Variants in CAMK2B observed in about 807,000 individuals in gnomAD.
The protein encoded by CAMK2B is calcium/calmodulin dependent protein kinase II beta.
CAMK2B carries 27 observed loss-of-function variants against 93.7 expected under a neutral mutation model. The ratio of observed to expected loss-of-function variants is 0.29; its 90% CI spans 0.21 to 0.40. CAMK2B has a LOEUF of 0.40. CAMK2B is among the 10% of genes least tolerant of loss of function. CAMK2B has a pLI of 1.00. For missense variants in CAMK2B, 568 were observed against 895.8 expected (o/e 0.63, Z 4.67); for synonymous variants, 374 against 358.8 (o/e 1.04, Z -0.48).
rs1423796196 is a variant in CAMK2B, at chr7:44,239,570, C to A, written c.1021+19G>T. On this transcript the variant is annotated intron_variant, in intron 13 of 23. Coordinates refer to ENST00000395749, the MANE Select transcript of CAMK2B (RefSeq NM_001220.5). ...GGGACGGGCGGGAGCGGGCGGGACGCTGGTCGAGACACATCTACCTTGTTC... is the reference window on the plus strand; with the variant it reads ...GGGACGGGCGGGAGCGGGCGGGACGATGGTCGAGACACATCTACCTTGTTC... The A allele has an allele frequency of 6.5e-7, 1 of 1,544,098 alleles. No homozygotes were observed. The highest frequency in any genetic ancestry group is 1.4e-5 in the African/African-American group (1 of 72,900).
rs770098117 is a variant in CAMK2B, at chr7:44,246,800, C to G, written c.414+320G>C. Among the ~76,000 whole-genome samples, 175 of 152,188 alleles carry G rather than the reference C, an allele frequency of 1.1e-3. 1 individual carries two copies. Among genetic ancestry groups the G allele is most frequent in the Non-Finnish European group, 9.3e-4 (63 of 68,034 alleles). On this transcript the variant is annotated intron_variant, in intron 6 of 23. Coordinates refer to ENST00000395749, the MANE Select transcript of CAMK2B (RefSeq NM_001220.5). ...ATGTACACACGAACCTCCATGTACA[C>G]ACGTATGCACATGCACACACATACT...
intron 1 of CAMK2B, among the ~76,000 whole-genome samples, chr7:44,301,176 G>A (rs1195613389): frequency 1.3e-5 from 2 of 152,138 alleles, no homozygotes; most frequent in African/African-American, 4.8e-5. Flanking sequence ...CATGCAGGCT[G>A]GAGTGCAGTG....
At chr7:44,296,627 C>T (rs1335722849) in intron 1 of CAMK2B, among the ~76,000 whole-genome samples, 1 of 151,970 alleles carries the variant, frequency 6.6e-6, no homozygotes, top group Non-Finnish European at 1.5e-5. Flanking sequence ...AAGTGTATAT[C>T]GGGTCGTATC....
chr7:44,302,940 C>T (rs908149700), intron 1 of CAMK2B, among the ~76,000 whole-genome samples: 1 of 152,044 alleles, frequency 6.6e-6, no homozygotes, highest in African/African-American at 2.4e-5. Flanking sequence ...ATAAAAGATA[C>T]ACTTATTGGA....
At chr7:44,306,907 T>C (rs1584834074) in intron 1 of CAMK2B, among the ~76,000 whole-genome samples, 1 of 42,282 alleles carries the variant, frequency 2.4e-5, no homozygotes, top group African/African-American at 9.2e-5. Flanking sequence ...GAAGACGGTG[T>C]GAGCAGGGGG....
At chr7:44,317,527 C>G (rs1795105700) in intron 1 of CAMK2B, among the ~76,000 whole-genome samples, 1 of 152,212 alleles carries the variant, frequency 6.6e-6, no homozygotes. Flanking sequence ...AAGTGATCCA[C>G]CCACCTTGGC....
chr7:44,260,218 C>G (rs2096868451), intron 3 of CAMK2B, among the ~76,000 whole-genome samples: 3 of 152,160 alleles, frequency 2.0e-5, no homozygotes. Flanking sequence ...CCCTTCCTTG[C>G]ATGCTCCGGC....
In CAMK2B at chr7:44,226,517, TG is replaced by T; in HGVS notation, c.1595del (p.Pro532HisfsTer34). Reference protein sequence around the residue: ...SPTIPGPLPTPSRKQEIIKTT... With the variant: ...SPTIPGPLPTXSRKQEIIKTT... ...ACGGCCACTCAAGGTGCTACTTACA[TG>T]GGGTGGGCAGGGGGCCAGGGATAGT... On this transcript the variant is annotated frameshift_variant and splice_region_variant, in exon 20 of 24. Coordinates refer to ENST00000395749, the MANE Select transcript of CAMK2B (RefSeq NM_001220.5). LOFTEE classifies it high-confidence loss of function. 7.0e-7 allele frequency: 1 copy of T among 1,432,488 alleles called. No individual in the cohort carries two copies. Among genetic ancestry groups the T allele is most frequent in the Non-Finnish European group, 9.1e-7 (1 of 1,092,900 alleles). 88.7% of individuals were successfully genotyped at this position (1,432,488 alleles called of 1,614,324 possible).
intron 1 of CAMK2B, among the ~76,000 whole-genome samples, chr7:44,294,996 C>T (rs1301133197): frequency 6.6e-6 from 1 of 152,174 alleles, no homozygotes; most frequent in African/African-American, 2.4e-5. Context: ...CAATTCTGGA[C>T]TCAGAAAAGC....
intron 13 of CAMK2B, 57 bp from the exon 14 acceptor site, chr7:44,234,733 C>T (rs891793286): frequency 2.4e-5 from 37 of 1,563,938 alleles, no homozygotes; most frequent in Non-Finnish European, 2.8e-5. Flanking sequence ...CTCGCTGCAG[C>T]GCAACCCCAC....
At chr7:44,234,524 C>A (rs1696222898) in intron 14 of CAMK2B, 63 bp from the exon 15 acceptor site, 2 of 1,583,778 alleles carry the variant, frequency 1.3e-6, no homozygotes, top group South Asian at 2.3e-5. Context: ...ATTCCCTGTC[C>A]CGTGTCTCTC....
rs575285462 is a variant in CAMK2B, at chr7:44,283,006, G to A, written c.160+1125C>T. Among the ~76,000 whole-genome samples the A allele has an allele frequency of 5.0e-3, 756 of 152,290 alleles. 6 individuals are homozygous for A. The highest frequency in any genetic ancestry group is 0.017 in the African/African-American group (726 of 41,558). ...GGCTCCCTCTACCAGGGCATCATCC[G>A]GCCAGCCCCTCCTCCATGGAACCCC... On this transcript the variant is annotated intron_variant, in intron 2 of 23. Transcript: ENST00000395749.
At chr7:44,317,496 C>T (rs957101260) in intron 1 of CAMK2B, among the ~76,000 whole-genome samples, 30 of 152,280 alleles carry the variant, frequency 2.0e-4, no homozygotes, top group South Asian at 1.2e-3. Flanking sequence ...ATGTTGCCCA[C>T]GGTCTCTAAC....
In CAMK2B at chr7:44,271,805, G is replaced by A. The variant is rs928578411; in HGVS notation, c.161-8741C>T. On this transcript the variant is annotated intron_variant, in intron 2 of 23. Transcript: ENST00000395749. The surrounding 1 kb of genome is among the most constrained non-coding windows in gnomAD (Gnocchi z 4.2). ...CAGTCTCAGGGTGCAGGCCGGTTTA[G>A]GGGCTGAAAGGAGGCCATGGGCAGG... 2.0e-5 allele frequency among the ~76,000 whole-genome samples: 3 copies of A among 152,234 alleles called. No homozygotes were observed. The highest frequency in any genetic ancestry group is 7.2e-5 in the African/African-American group (3 of 41,468).
chr7:44,229,365 G>A, intron 18 of CAMK2B, 23 bp downstream of exon 18: 1 of 1,474,556 alleles, frequency 6.8e-7, no homozygotes, highest in Non-Finnish European at 9.2e-7. Context: ...GACCCCCACA[G>A]CAGCAGGACC....
intron 2 of CAMK2B, among the ~76,000 whole-genome samples, chr7:44,266,250 C>G (rs79189274): frequency 0.025 from 3,763 of 152,210 alleles, 149 homozygotes; most frequent in African/African-American, 0.086. Context: ...AAGGAAGAGG[C>G]GTTCTCTCTC....
chr7:44,253,944 G>A (rs2096806454), intron 5 of CAMK2B, among the ~76,000 whole-genome samples: 4 of 150,892 alleles, frequency 2.7e-5, no homozygotes, highest in Admixed American at 2.6e-4. Flanking sequence ...CTGTGGCAGA[G>A]CAGGGTGGGC....
chr7:44,238,021 G>A (rs914575481), intron 13 of CAMK2B, among the ~76,000 whole-genome samples: 4 of 152,224 alleles, frequency 2.6e-5, no homozygotes, highest in African/African-American at 9.6e-5. Flanking sequence ...AGGGGGCTAT[G>A]CCACATGGGC....
intron 19 of CAMK2B, 101 bp from the exon 20 acceptor site, chr7:44,226,745 A>T: frequency 1.9e-6 from 1 of 529,578 alleles, no homozygotes; most frequent in Non-Finnish European, 2.6e-6. Flanking sequence ...AGGGGCACAG[A>T]GGCAGATGTG....
Sources: allele counts gnomAD v4.1 joint callset (sites outside exome capture counted in the v4.1 genomes callset), GRCh38; gene constraint gnomAD v4.1.1; non-coding constraint Gnocchi (gnomAD v3.1); transcripts MANE v1.5; gene names NCBI Gene and HGNC (gene_info 2026-07-23, HGNC 2026-07-21).